FNIP2: variants seen among roughly 807,000 people sequenced by gnomAD.
The protein encoded by FNIP2 is folliculin-interacting protein 2.
In FNIP2, 32 loss-of-function variants were observed where a neutral mutation model predicts 108.7. That is an observed-to-expected ratio of 0.29 (90% confidence interval 0.22 to 0.40). The LOEUF is 0.40. Among genes scored for constraint, FNIP2 ranks in the 10% least tolerant of loss-of-function variants. The probability of loss-of-function intolerance (pLI) is 1.00; values close to 1 mark genes in which losing one functional copy is unlikely to be tolerated. For missense variants in FNIP2, 1,202 were observed against 1,381.6 expected (o/e 0.87, Z 2.06); for synonymous variants, 480 against 496.7 (o/e 0.97, Z 0.45).
chr4:158,769,260 C>A lies in FNIP2; in HGVS notation c.48C>A (p.Ser16Arg), dbSNP rs776283429. The change falls in exon 1 of 17, where the codon AGC (serine) becomes AGA (arginine). Residue 16 changes from serine (S) to arginine (R), a missense_variant. By Grantham distance (110) the Ser-to-Arg change is moderately radical. Coordinates refer to ENST00000264433, the MANE Select transcript of FNIP2 (RefSeq NM_020840.3). ...LQKLFNKRGS[S>R]GSSAAASAQG... ...AGCTCTTCAACAAAAGGGGCAGCAG[C>A]GGCAGCTCCGCGGCGGCGTCTGCCC... 6.5e-7 allele frequency: 1 copy of A among 1,540,960 alleles called. No individual in the cohort carries two copies. The highest frequency in any genetic ancestry group is 2.6e-5 in the East Asian group (1 of 38,672).
chr4:158,849,492 C>G (rs1278963199), intron 7 of FNIP2, among the ~76,000 whole-genome samples: 2 of 152,042 alleles, frequency 1.3e-5, no homozygotes, highest in Admixed American at 6.6e-5. Flanking sequence ...CTCTGCCTGC[C>G]AGAAGTTGAT....
At chr4:158,883,078 T>G (rs990305926) in intron 14 of FNIP2, among the ~76,000 whole-genome samples, 1 of 149,422 alleles carries the variant, frequency 6.7e-6, no homozygotes, top group Non-Finnish European at 1.5e-5. Context: ...CCAAAAAAAA[T>G]AAAATAAATA....
At chr4:158,867,307 C>T (rs1188686150) in intron 12 of FNIP2, among the ~76,000 whole-genome samples, 1 of 152,198 alleles carries the variant, frequency 6.6e-6, no homozygotes, top group Non-Finnish European at 1.5e-5. Context: ...ATTCTCCTGC[C>T]TTGACCTCTC....
chr4:158,846,326 A>T (rs902655096), intron 7 of FNIP2, among the ~76,000 whole-genome samples: 2 of 152,054 alleles, frequency 1.3e-5, no homozygotes, highest in African/African-American at 2.4e-5. Flanking sequence ...CTGTTTTTTT[A>T]AATGTTGGTT....
intron 12 of FNIP2, among the ~76,000 whole-genome samples, chr4:158,863,116 G>T (rs1451120389): frequency 6.6e-6 from 1 of 152,170 alleles, no homozygotes; most frequent in African/African-American, 2.4e-5. Flanking sequence ...ATCCATCAGG[G>T]GTCTGGCTAT....
chr4:158,799,429 T>C (rs140103030), intron 1 of FNIP2, among the ~76,000 whole-genome samples: 26 of 152,370 alleles, frequency 1.7e-4, no homozygotes, highest in African/African-American at 6.3e-4. Context: ...AGAGCAGTTT[T>C]CTGTGATGAA....
chr4:158,811,310 T>C (rs1777254358), intron 1 of FNIP2, among the ~76,000 whole-genome samples: 1 of 152,200 alleles, frequency 6.6e-6, no homozygotes, highest in Non-Finnish European at 1.5e-5. Context: ...CCATATCCTT[T>C]CACTTTCATG....
intron 1 of FNIP2, among the ~76,000 whole-genome samples, chr4:158,824,617 C>T (rs912964101): frequency 6.6e-6 from 1 of 152,130 alleles, no homozygotes; most frequent in African/African-American, 2.4e-5. Context: ...TTCCTGCTTC[C>T]AGTCTTCATC....
chr4:158,885,181 G>A (rs975061212), intron 14 of FNIP2, among the ~76,000 whole-genome samples: 2 of 151,838 alleles, frequency 1.3e-5, no homozygotes, highest in Admixed American at 6.6e-5. Context: ...ATCAGCTCTC[G>A]TGAGAACTCA....
chr4:158,798,110 G>A (rs1474800795), intron 1 of FNIP2, among the ~76,000 whole-genome samples: 1 of 152,096 alleles, frequency 6.6e-6, no homozygotes, highest in African/African-American at 2.4e-5. Flanking sequence ...TGTCACTCAA[G>A]CCAAAGCGCA....
rs1393559524 is a variant in FNIP2, at chr4:158,859,342, A to G, written c.1059+84A>G. On this transcript the variant is annotated intron_variant, in intron 9 of 16. Coordinates refer to ENST00000264433, the MANE Select transcript of FNIP2 (RefSeq NM_020840.3). Reference sequence around the variant, plus strand: ...CAGAATTTCTTTGCCGATGTATCAGATGTCTTTCCTAAGGAAGTTAAATCA... The same window carrying G: ...CAGAATTTCTTTGCCGATGTATCAGGTGTCTTTCCTAAGGAAGTTAAATCA... The G allele has an allele frequency of 2.8e-6, 4 of 1,413,582 alleles. No individual in the cohort carries two copies. The African/African-American group carries it at 5.7e-5, about 20-fold the overall frequency. The allele number at this position is 1,413,582 out of a possible 1,614,324, so 87.6% of individuals were successfully genotyped here.
chr4:158,868,036 G>T lies in FNIP2; in HGVS notation c.1466-66G>T. ...AAGTTATCTGTTTTGCTCTTGTAAA[G>T]ACGGATATATCTGTGACATGCTAAC... is the stretch of plus-strand genomic sequence containing the variant. On this transcript the variant is annotated intron_variant, in intron 12 of 16. Transcript: ENST00000264433. This position sits in a 1 kb window ranked among gnomAD's most constrained non-coding sequence, Gnocchi z 4.6. 1 of 1,571,980 alleles carries T rather than the reference G, an allele frequency of 6.4e-7. No individual in the cohort carries two copies. Among genetic ancestry groups the T allele is most frequent in the Non-Finnish European group, 8.6e-7 (1 of 1,158,228 alleles).
chr4:158,872,427 T>C (rs1302599391), intron 14 of FNIP2: 1 of 985,284 alleles, frequency 1.0e-6, no homozygotes, highest in African/African-American at 1.7e-5. Context: ...TTCCCTTCCT[T>C]TTAGAAGGAG....
chr4:158,889,993 A>T, intron 14 of FNIP2: 1 of 985,322 alleles, frequency 1.0e-6, no homozygotes, highest in Non-Finnish European at 1.2e-6. Context: ...TAGGGGTGAA[A>T]GGGTCATGAA....
Position 158,881,455 on chromosome 4 carries a change from ACGG to A in FNIP2, c.2950-9990_2950-9988del, listed in dbSNP as rs1781620269. Among the ~76,000 whole-genome samples, 8 of 134,770 alleles carry A rather than the reference ACGG, an allele frequency of 5.9e-5. No homozygotes were observed. The East Asian group carries it at 1.1e-3, about 18-fold the overall frequency. 88.4% of individuals were successfully genotyped at this position (134,770 alleles called of 152,430 possible). Reference sequence around the variant, plus strand: ...ACGGTCTCCCTCTCCCTCTCTTTCCACGGTCTCCCTCTCCCTCTCTTTCCACGG... The same window carrying A: ...ACGGTCTCCCTCTCCCTCTCTTTCCATCTCCCTCTCCCTCTCTTTCCACGG... On this transcript the variant is annotated intron_variant, in intron 14 of 16. Coordinates refer to ENST00000264433, the MANE Select transcript of FNIP2 (RefSeq NM_020840.3).
intron 12 of FNIP2, among the ~76,000 whole-genome samples, chr4:158,866,011 C>T (rs1297407093): frequency 2.0e-5 from 3 of 150,664 alleles, no homozygotes; most frequent in Non-Finnish European, 4.4e-5. Context: ...AGGTACTTTC[C>T]GATGGTTCTC....
Position 158,798,047 on chromosome 4 carries a change from T to G in FNIP2, c.108-27869T>G, listed in dbSNP as rs140653822. Among the ~76,000 whole-genome samples, 42 of 152,278 alleles carry G rather than the reference T, an allele frequency of 2.8e-4. No homozygotes were observed. The East Asian group carries it at 3.3e-3, about 12-fold the overall frequency. On this transcript the variant is annotated intron_variant, in intron 1 of 16. Transcript: ENST00000264433. ...AAACACCAAGGCTTCTAGGTTTTTTTGTTTTTGTTTAAATTTTTGTTGTTG... is the reference window on the plus strand; with the variant it reads ...AAACACCAAGGCTTCTAGGTTTTTTGGTTTTTGTTTAAATTTTTGTTGTTG...
intron 1 of FNIP2, among the ~76,000 whole-genome samples, chr4:158,779,511 A>G (rs1775965988): frequency 6.6e-6 from 1 of 152,090 alleles, no homozygotes; most frequent in Non-Finnish European, 1.5e-5. Context: ...GAAAAATAAT[A>G]AAGAACAGTT....
At chr4:158,783,764 C>G (rs753191070) in intron 1 of FNIP2, among the ~76,000 whole-genome samples, 4 of 152,196 alleles carry the variant, frequency 2.6e-5, no homozygotes, top group Non-Finnish European at 5.9e-5. Flanking sequence ...GTCCTCACAG[C>G]TGGAATTCTC....
Sources: gnomAD v4.1 joint callset for allele counts (sites outside exome capture counted in the v4.1 genomes callset) on GRCh38, gnomAD v4.1.1 for gene constraint, Gnocchi (gnomAD v3.1) non-coding constraint, MANE v1.5 for transcripts, NCBI Gene and HGNC (gene_info 2026-07-23, HGNC 2026-07-21) for gene names.